The following FOXJ3 variants were observed in gnomAD, a reference collection of about 807,000 sequenced individuals.
The protein encoded by FOXJ3 is forkhead box J3, also known as forkhead box protein J3.
FOXJ3 carries 22 observed loss-of-function variants against 76.1 expected under a neutral mutation model. The observed-to-expected ratio is 0.29, with a 90% confidence interval of 0.21 to 0.41. FOXJ3 has a LOEUF of 0.41. Among genes scored for constraint, FOXJ3 ranks in the 10% least tolerant of loss-of-function variants. FOXJ3 has a pLI of 1.00. For synonymous variants in FOXJ3, 269 were observed against 261.2 expected (o/e 1.03, Z -0.29); for missense variants, 613 against 762.1 (o/e 0.80, Z 2.30).
intron 4 of FOXJ3, among the ~76,000 whole-genome samples, chr1:42,238,754 G>A (rs1167048799): frequency 6.6e-6 from 1 of 152,058 alleles, no homozygotes; most frequent in African/African-American, 2.4e-5. Flanking sequence ...TGTTGCCCAG[G>A]CTGGTCTTGA....
intron 1 of FOXJ3, among the ~76,000 whole-genome samples, chr1:42,313,534 A>G (rs1298453585): frequency 9.8e-5 from 15 of 152,300 alleles, no homozygotes; most frequent in African/African-American, 3.1e-4. Flanking sequence ...AAAACCCAGA[A>G]GGAAATCAGC....
intron 1 of FOXJ3, among the ~76,000 whole-genome samples, chr1:42,332,264 G>A (rs1230864481): frequency 6.6e-6 from 1 of 152,130 alleles, no homozygotes; most frequent in Non-Finnish European, 1.5e-5. Flanking sequence ...ATCTACTGAT[G>A]TGTTTTACTA....
chr1:42,325,399 G>A (rs1229594321), intron 1 of FOXJ3, among the ~76,000 whole-genome samples: 1 of 152,172 alleles, frequency 6.6e-6, no homozygotes, highest in Non-Finnish European at 1.5e-5. Flanking sequence ...GAAAACAGAA[G>A]AAATCACAGG....
At chr1:42,207,231 CTATCTTCATGT>C (rs1646878400) in intron 5 of FOXJ3, among the ~76,000 whole-genome samples, 1 of 152,198 alleles carries the variant, frequency 6.6e-6, no homozygotes, top group Admixed American at 6.5e-5. Context: ...AATCTACTTT[CTATCTTCATGT>C]AATCCACTTT....
chr1:42,268,096 C>G (rs1462979099), intron 3 of FOXJ3, among the ~76,000 whole-genome samples: 1 of 151,778 alleles, frequency 6.6e-6, no homozygotes, highest in Admixed American at 6.6e-5. Context: ...AGACATCAAC[C>G]CAAATATGCA....
In FOXJ3 at chr1:42,314,543, C is replaced by T. The variant is rs184013311; in HGVS notation, c.-17-3433G>A. 3.9e-5 allele frequency among the ~76,000 whole-genome samples: 6 copies of T among 152,210 alleles called. No individual in the cohort carries two copies. The East Asian group carries it at 7.7e-4, about 20-fold the overall frequency. On this transcript the variant is annotated intron_variant, in intron 1 of 12. Coordinates refer to ENST00000361346, the MANE Select transcript of FOXJ3 (RefSeq NM_014947.5). ...CTGGGATTACAGGCGTGAGGCACCA[C>T]GCCCAGCCCTCAGTCTCTTTCTTTT...
intron 2 of FOXJ3, among the ~76,000 whole-genome samples, chr1:42,280,631 C>T (rs1332721093): frequency 6.6e-6 from 1 of 151,930 alleles, no homozygotes; most frequent in African/African-American, 2.4e-5. Context: ...TAATGAAAAA[C>T]TGCAGTTAAA....
chr1:42,316,308 A>C (rs1315070096), intron 1 of FOXJ3, among the ~76,000 whole-genome samples: 1 of 138,206 alleles, frequency 7.2e-6, no homozygotes, highest in Non-Finnish European at 1.5e-5. Flanking sequence ...ACCTGGGACC[A>C]CAGGTGCACA....
intron 1 of FOXJ3, chr1:42,334,057 G>T: frequency 1.9e-6 from 1 of 517,800 alleles, no homozygotes; most frequent in Non-Finnish European, 2.5e-6. Flanking sequence ...CACAGACGTG[G>T]AATGCACCAA....
chr1:42,203,860 G>C (rs1433490302), intron 6 of FOXJ3, among the ~76,000 whole-genome samples: 1 of 152,024 alleles, frequency 6.6e-6, no homozygotes. Flanking sequence ...GCCAGGCGCA[G>C]TGGTGGGCAC....
chr1:42,199,251 T>C (rs1569835837), intron 6 of FOXJ3, 21 bp from the exon 7 acceptor site: 1 of 1,603,618 alleles, frequency 6.2e-7, no homozygotes, highest in Non-Finnish European at 8.5e-7. Context: ...AAAAGAAAAA[T>C]GACAATTGAA....
chr1:42,326,250 C>CA (rs1314462393), intron 1 of FOXJ3, among the ~76,000 whole-genome samples: 3 of 151,294 alleles, frequency 2.0e-5, no homozygotes, highest in Non-Finnish European at 4.4e-5. Context: ...GACTCCAACT[C>CA]AAAAAAAAGT....
intron 12 of FOXJ3, 74 bp downstream of exon 12, chr1:42,181,843 G>T: frequency 1.1e-6 from 1 of 928,020 alleles, no homozygotes; most frequent in Non-Finnish European, 1.7e-6. Flanking sequence ...TCTCTCACCT[G>T]CCATCGTTGT....
chr1:42,209,070 T>A (rs956687532), intron 5 of FOXJ3, among the ~76,000 whole-genome samples: 5 of 152,182 alleles, frequency 3.3e-5, no homozygotes, highest in Non-Finnish European at 5.9e-5. Flanking sequence ...TCAGGTACTA[T>A]CTACAAAAGG....
chr1:42,243,234 G>A (rs562618513), intron 4 of FOXJ3, among the ~76,000 whole-genome samples: 1,588 of 80,418 alleles, frequency 0.02, 31 homozygotes, highest in African/African-American at 0.046. Context: ...AAGAAAACAC[G>A]GAGAAGTATA....
intron 1 of FOXJ3, among the ~76,000 whole-genome samples, chr1:42,331,167 G>GGTCA (rs1178165885): frequency 2.0e-5 from 3 of 152,086 alleles, no homozygotes; most frequent in Non-Finnish European, 2.9e-5. Context: ...GACCACTTGA[G>GGTCA]GTCAGGAGTT....
At chr1:42,275,481 A>G (rs1057038143) in intron 3 of FOXJ3, among the ~76,000 whole-genome samples, 1 of 152,096 alleles carries the variant, frequency 6.6e-6, no homozygotes, top group Non-Finnish European at 1.5e-5. Context: ...AGATCACTTG[A>G]GGCCAAGACC....
At chr1:42,316,349 T>TTTTTTTC (rs1553169820) in intron 1 of FOXJ3, among the ~76,000 whole-genome samples, 4 of 135,216 alleles carry the variant, frequency 3.0e-5, no homozygotes, top group Middle Eastern at 4.1e-3. Context: ...TTTTTTTTTT[T>TTTTTTTC]CTGTAGAAAC....
chr1:42,301,261 T>A (rs1363852212), intron 2 of FOXJ3, among the ~76,000 whole-genome samples: 1 of 152,134 alleles, frequency 6.6e-6, no homozygotes, highest in Non-Finnish European at 1.5e-5. Context: ...AGTGGCACCA[T>A]CTTGGCTCGC....
Sources: allele counts gnomAD v4.1 joint callset (sites outside exome capture counted in the v4.1 genomes callset), GRCh38; gene constraint gnomAD v4.1.1; transcripts MANE v1.5; gene names NCBI Gene and HGNC (gene_info 2026-07-23, HGNC 2026-07-21).